The following DST variants were observed in gnomAD, a reference collection of about 807,000 sequenced individuals.
DST encodes bullous pemphigoid antigen.
A neutral mutation model predicts 875.2 loss-of-function variants in DST; 253 were observed. That is an observed-to-expected ratio of 0.29 (90% CI 0.26 to 0.32). The LOEUF is 0.32. DST is among the 10% of genes least tolerant of loss of function. The pLI is 1.00. For missense variants in DST, 8,287 were observed against 9,111.6 expected (o/e 0.91, Z 3.68); for synonymous variants, 3,124 against 3,197.1 (o/e 0.98, Z 0.77).
chr6:56,769,336 T>C (rs553461282), intron 4 of DST, among the ~76,000 whole-genome samples: 17 of 152,300 alleles, frequency 1.1e-4, no homozygotes, highest in Non-Finnish European at 2.4e-4. Context: ...TCTCTTTAAC[T>C]GATGGTGGAA....
At chr6:56,555,234 C>T in intron 60 of DST, 111 bp downstream of exon 60, 1 of 1,200,960 alleles carries the variant, frequency 8.3e-7, no homozygotes, top group Non-Finnish European at 1.2e-6. Context: ...CTGATGTTAA[C>T]AGTGGGGCAG....
At chr6:56,693,030 C>T (rs1204412743) in intron 9 of DST, 6 of 1,289,580 alleles carry the variant, frequency 4.7e-6, no homozygotes, top group African/African-American at 1.5e-5. Flanking sequence ...TTTTTTTGAT[C>T]GGTTTTCTTC....
chr6:56,527,050 T>C (rs2096815221), intron 68 of DST, among the ~76,000 whole-genome samples: 1 of 152,132 alleles, frequency 6.6e-6, no homozygotes, highest in Admixed American at 6.5e-5. Context: ...CCACATGTGA[T>C]CATACTTCAA....
rs1265684205 is a variant in DST, at chr6:56,598,737, TTTA to T, written c.11695-31_11695-29del. The T allele has an allele frequency of 2.9e-6, 4 of 1,363,272 alleles. No homozygotes were observed. In the Admixed American group the frequency reaches 6.5e-5, roughly 22 times the overall value. 84.4% of individuals were successfully genotyped at this position (1,363,272 alleles called of 1,614,324 possible). A position where few individuals can be genotyped will look rare whatever the true frequency, so the allele number is the denominator to read the frequency against. Reference sequence around the variant, plus strand: ...TATAACACAAAAGGAAAAAATATATTTTATTAAATTATTACCTATTTAGTTCTT... The same window carrying T: ...TATAACACAAAAGGAAAAAATATATTTTAAATTATTACCTATTTAGTTCTT... On this transcript the variant is annotated intron_variant, in intron 45 of 103. Coordinates refer to ENST00000680361, the MANE Select transcript of DST (RefSeq NM_001374736.1).
intron 98 of DST, among the ~76,000 whole-genome samples, chr6:56,468,215 TA>T (rs2094688427): frequency 6.6e-6 from 1 of 151,882 alleles, no homozygotes; most frequent in Non-Finnish European, 1.5e-5. Flanking sequence ...CAAAACAGAG[TA>T]TCTCCTTAGT....
At chr6:56,625,809 T>C (rs1223843843) in intron 34 of DST, among the ~76,000 whole-genome samples, 1 of 151,720 alleles carries the variant, frequency 6.6e-6, no homozygotes, top group Non-Finnish European at 1.5e-5. Context: ...GAAAAAGGCA[T>C]TGTTATCATA....
intron 5 of DST, among the ~76,000 whole-genome samples, chr6:56,707,962 G>A (rs766170442): frequency 5.9e-5 from 9 of 152,168 alleles, no homozygotes; most frequent in Non-Finnish European, 1.2e-4. Flanking sequence ...GAGGTCAGGA[G>A]TTTAAGACCA....
Position 56,634,453 on chromosome 6 carries a change from T to C in DST, c.3494+9A>G, listed in dbSNP as rs1424491661. 1.9e-6 allele frequency: 3 copies of C among 1,613,818 alleles called. No homozygotes were observed. Among genetic ancestry groups the C allele is most frequent in the Non-Finnish European group, 1.7e-6 (2 of 1,179,844 alleles). On this transcript the variant is annotated intron_variant, in intron 26 of 103. Coordinates refer to ENST00000680361, the MANE Select transcript of DST (RefSeq NM_001374736.1). ...ACTAGCTCAACATTTTTAGCTAATA[T>C]ATACAAACCTGTTGGCAAGGTCCAC...
chr6:56,492,388 G>A lies in DST; in HGVS notation c.20596C>T (p.Leu6866=), dbSNP rs1439679404. Residue 6866 remains leucine, a synonymous_variant, in exon 85 of 104, where the codon CTG becomes TTG. Transcript: ENST00000680361. Reference sequence around the variant, plus strand: ...TTTAGGTGGGTTCCAGTTTTGTCCAGCTCTATTATCTGCTCACGATGAGAA... The same window carrying A: ...TTTAGGTGGGTTCCAGTTTTGTCCAACTCTATTATCTGCTCACGATGAGAA... ...VNSHREQIIE[L]DKTGTHLKYF... is the part of the protein sequence containing the mutation. 6.2e-7 allele frequency: 1 copy of A among 1,613,696 alleles called. No homozygotes were observed. The highest frequency in any genetic ancestry group is 8.5e-7 in the Non-Finnish European group (1 of 1,179,788).
At chr6:56,584,403 T>C (rs2098098981) in intron 49 of DST, among the ~76,000 whole-genome samples, 3 of 152,098 alleles carry the variant, frequency 2.0e-5, no homozygotes, top group Admixed American at 1.3e-4. Context: ...TTGTCTGTTA[T>C]GGGTGTATAG....
intron 10 of DST, among the ~76,000 whole-genome samples, chr6:56,658,916 T>C (rs574640206): frequency 7.9e-5 from 12 of 152,240 alleles, no homozygotes; most frequent in Admixed American, 3.9e-4. Context: ...GACCAGTGCA[T>C]GAGTGGGGAG....
chr6:56,674,899 T>C (rs1308534635), intron 9 of DST, among the ~76,000 whole-genome samples: 1 of 152,130 alleles, frequency 6.6e-6, no homozygotes, highest in Non-Finnish European at 1.5e-5. Context: ...CGCACAGAAA[T>C]AGAAGAAACA....
At chr6:56,511,147 T>A in intron 73 of DST, 50 bp downstream of exon 73, 2 of 1,436,922 alleles carry the variant, frequency 1.4e-6, no homozygotes, top group Non-Finnish European at 1.9e-6. Context: ...TGTCTTTCTG[T>A]GCTCTGTTGT....
intron 4 of DST, among the ~76,000 whole-genome samples, chr6:56,783,339 T>C (rs926000095): frequency 6.6e-6 from 1 of 152,078 alleles, no homozygotes; most frequent in African/African-American, 2.4e-5. Flanking sequence ...AAGTCTCCCA[T>C]TATTATTGTG....
At chr6:56,709,697 T>C (rs565638043) in intron 5 of DST, among the ~76,000 whole-genome samples, 157 of 152,148 alleles carry the variant, frequency 1.0e-3, no homozygotes, top group Non-Finnish European at 1.7e-3. Flanking sequence ...GGTACAAAGA[T>C]GAATAATAAG....
At chr6:56,636,433 T>C (rs552136562) in intron 23 of DST, 124 bp downstream of exon 23, 1 of 715,436 alleles carries the variant, frequency 1.4e-6, no homozygotes, top group African/African-American at 1.8e-5. Flanking sequence ...TGTGTATATA[T>C]ATATGTGTGT....
At chr6:56,781,263 T>G (rs923797232) in intron 4 of DST, among the ~76,000 whole-genome samples, 3 of 152,188 alleles carry the variant, frequency 2.0e-5, no homozygotes, top group African/African-American at 7.2e-5. Context: ...GTGAAGAAAG[T>G]CATTGGTAGC....
chr6:56,469,755 C>A, intron 97 of DST, 128 bp downstream of exon 97: 1 of 755,668 alleles, frequency 1.3e-6, no homozygotes, highest in Non-Finnish European at 2.3e-6. Context: ...GTTTCATATA[C>A]CATTAAATTT....
chr6:56,938,049 T>C (rs1000757121), intron 2 of DST, among the ~76,000 whole-genome samples: 147 of 151,554 alleles, frequency 9.7e-4, no homozygotes, highest in African/African-American at 3.6e-3. Flanking sequence ...ACGAAAAATA[T>C]TCTAAAACTA....
Sources: allele counts gnomAD v4.1 joint callset (sites outside exome capture counted in the v4.1 genomes callset), GRCh38; gene constraint gnomAD v4.1.1; transcripts MANE v1.5; gene names NCBI Gene and HGNC (gene_info 2026-07-23, HGNC 2026-07-21).